The following CCDC141 variants were observed in gnomAD, a reference collection of about 807,000 sequenced individuals.
CCDC141 encodes the protein coiled-coil domain-containing protein 141.
Under a neutral mutation model 181.0 loss-of-function variants are expected in CCDC141, and 168 were observed. That is an observed-to-expected ratio of 0.93 (90% CI 0.82 to 1.05). The LOEUF is 1.05. Among genes scored for constraint, CCDC141 ranks in the 50% least tolerant of loss-of-function variants. CCDC141 has a pLI of 0.00. For synonymous variants in CCDC141, 666 were observed against 642.3 expected, an observed-to-expected ratio of 1.04 and a Z score of -0.56; for missense variants, 1,902 against 1,788.5, an observed-to-expected ratio of 1.06 and a Z score of -1.14.
chr2:178,929,761 T>C (rs536011918), intron 6 of CCDC141, among the ~76,000 whole-genome samples: 2 of 152,248 alleles, frequency 1.3e-5, no homozygotes, highest in East Asian at 1.9e-4. Context: ...CTCTCTTTCA[T>C]TGTGCAATTA....
chr2:178,942,327 G>A (rs1209956671), intron 6 of CCDC141, among the ~76,000 whole-genome samples: 2 of 152,020 alleles, frequency 1.3e-5, no homozygotes, highest in East Asian at 1.9e-4. Context: ...TTCTAAACAC[G>A]AATGAGCTAT....
chr2:178,882,417 A>G (rs1028527755), intron 11 of CCDC141, among the ~76,000 whole-genome samples: 1 of 152,178 alleles, frequency 6.6e-6, no homozygotes, highest in Non-Finnish European at 1.5e-5. Flanking sequence ...AAATTAGAAG[A>G]TGATTGCTGG....
intron 2 of CCDC141, among the ~76,000 whole-genome samples, chr2:179,012,123 C>G (rs1224701288): frequency 6.6e-6 from 1 of 151,998 alleles, no homozygotes; most frequent in Non-Finnish European, 1.5e-5. Context: ...AAGATCAGAA[C>G]AGAACTAAAT....
intron 2 of CCDC141, among the ~76,000 whole-genome samples, chr2:179,003,263 G>C (rs1283806312): frequency 6.6e-6 from 1 of 152,148 alleles, no homozygotes; most frequent in Non-Finnish European, 1.5e-5. Context: ...TCCAGTGGTG[G>C]AGATGAATTT....
chr2:178,951,223 C>A (rs1392769118), intron 5 of CCDC141, among the ~76,000 whole-genome samples: 1 of 152,206 alleles, frequency 6.6e-6, no homozygotes, highest in Non-Finnish European at 1.5e-5. Flanking sequence ...ATGGTTTTCC[C>A]AATATAACTT....
At chr2:179,028,980 G>A (rs766733476) in intron 2 of CCDC141, among the ~76,000 whole-genome samples, 9 of 151,896 alleles carry the variant, frequency 5.9e-5, no homozygotes, top group Middle Eastern at 3.4e-3. Context: ...TGTGTAGCCC[G>A]GTGGGTACTG....
At chr2:179,006,652 A>T (rs185011886) in intron 2 of CCDC141, among the ~76,000 whole-genome samples, 1 of 152,296 alleles carries the variant, frequency 6.6e-6, no homozygotes, top group East Asian at 1.9e-4. Flanking sequence ...CATTTCGTAC[A>T]AGGGTTTAAA....
intron 2 of CCDC141, among the ~76,000 whole-genome samples, chr2:179,019,560 C>T (rs1211499418): frequency 6.6e-6 from 1 of 152,022 alleles, no homozygotes; most frequent in African/African-American, 2.4e-5. Flanking sequence ...TCATAAACCG[C>T]TTTTATTTTC....
chr2:179,027,289 G>C (rs1231445080), intron 2 of CCDC141, among the ~76,000 whole-genome samples: 1 of 152,146 alleles, frequency 6.6e-6, no homozygotes, highest in Non-Finnish European at 1.5e-5. Flanking sequence ...TATGAAGGCA[G>C]GTCTTTCCTG....
intron 2 of CCDC141, among the ~76,000 whole-genome samples, chr2:179,016,080 T>C (rs182700648): frequency 2.0e-5 from 3 of 151,400 alleles, no homozygotes; most frequent in African/African-American, 7.3e-5. Flanking sequence ...TTATTCTAAG[T>C]GAGGTAACTC....
chr2:178,851,064 G>A (rs1685143834), intron 20 of CCDC141, among the ~76,000 whole-genome samples: 1 of 152,022 alleles, frequency 6.6e-6, no homozygotes, highest in Non-Finnish European at 1.5e-5. Flanking sequence ...AAATTAACCT[G>A]GTGTGGTGGC....
chr2:178,971,933 G>A (rs1690909076), intron 4 of CCDC141, among the ~76,000 whole-genome samples: 1 of 152,032 alleles, frequency 6.6e-6, no homozygotes, highest in Non-Finnish European at 1.5e-5. Flanking sequence ...CTGGGGGTGT[G>A]GGTTAGGGGA....
In CCDC141 at chr2:178,837,734, TGCACC is replaced by T; in HGVS notation, c.3480_3484del (p.Val1161GlyfsTer24). ...ATTGATGCCCAAAAGATCTGCCACC[TGCACC>T]TGCCCCTTGAAAAAAGAAAAGCCAA... On this transcript the variant is annotated frameshift_variant, in exon 23 of 24. Transcript: ENST00000443758. LOFTEE classifies it high-confidence loss of function. 6.2e-7 allele frequency: 1 copy of T among 1,607,494 alleles called. No individual in the cohort carries two copies. Among genetic ancestry groups the T allele is most frequent in the South Asian group, 1.1e-5 (1 of 89,936 alleles).
chr2:178,833,523 C>T lies in CCDC141; in HGVS notation c.*650G>A, dbSNP rs930084646. 1.8e-4 allele frequency: 28 copies of T among 152,492 alleles called. No homozygotes were observed. Among genetic ancestry groups the T allele is most frequent in the African/African-American group, 5.5e-4 (23 of 41,562 alleles). 9.4% of individuals were successfully genotyped at this position (152,492 alleles called of 1,614,324 possible). Reference sequence around the variant, plus strand: ...ACCTGTGTTCCATCTTGCTGTATGACATGCAGAGCTGACAAAAGATGGAAA... The same window carrying T: ...ACCTGTGTTCCATCTTGCTGTATGATATGCAGAGCTGACAAAAGATGGAAA... On this transcript the variant is annotated 3_prime_UTR_variant, in exon 24 of 24. Transcript: ENST00000443758.
rs191760561 is a variant in CCDC141 at position 178,921,342 on chromosome 2, A to G, written c.898-2435T>C. On this transcript the variant is annotated intron_variant, in intron 6 of 23. Transcript: ENST00000443758. ...CAGTACAATTTCTGGCACACATAAT[A>G]GGCACTCACTAAGTGTTAGTCCCAC... is the stretch of plus-strand genomic sequence containing the variant. Among the ~76,000 whole-genome samples the G allele has an allele frequency of 4.7e-3, 723 of 152,348 alleles. 7 individuals carry two copies. Among genetic ancestry groups the G allele is most frequent in the Middle Eastern group, 0.027 (8 of 294 alleles).
At chr2:178,863,424 A>G (rs1357891285) in intron 17 of CCDC141, among the ~76,000 whole-genome samples, 1 of 152,218 alleles carries the variant, frequency 6.6e-6, no homozygotes, top group Non-Finnish European at 1.5e-5. Flanking sequence ...GTTTATGCAG[A>G]AAAAAATCAG....
At chr2:178,866,893 T>C (rs1198690313) in intron 16 of CCDC141, among the ~76,000 whole-genome samples, 1 of 152,164 alleles carries the variant, frequency 6.6e-6, no homozygotes, top group Non-Finnish European at 1.5e-5. Context: ...GCCTGGCTAA[T>C]TGTTGTATTT....
chr2:178,834,905 G>T (rs1684414855), intron 23 of CCDC141, among the ~76,000 whole-genome samples: 1 of 151,446 alleles, frequency 6.6e-6, no homozygotes, highest in Non-Finnish European at 1.5e-5. Flanking sequence ...CGAGAGAATT[G>T]CTTTGACTGG....
chr2:178,843,342 C>G (rs957728232), intron 22 of CCDC141, among the ~76,000 whole-genome samples: 2 of 152,156 alleles, frequency 1.3e-5, no homozygotes, highest in Non-Finnish European at 2.9e-5. Flanking sequence ...CCTTCTAGCA[C>G]TAAAATTCTA....
Sources: allele counts gnomAD v4.1 joint callset (sites outside exome capture counted in the v4.1 genomes callset), GRCh38; gene constraint gnomAD v4.1.1; transcripts MANE v1.5; gene names NCBI Gene and HGNC (gene_info 2026-07-23, HGNC 2026-07-21).